Variants in COL4A2 observed in about 807,000 individuals in gnomAD.
COL4A2 encodes collagen alpha-2(IV) chain.
A neutral mutation model predicts 200.2 loss-of-function variants in COL4A2; 99 were observed. The observed-to-expected ratio is 0.49, with a 90% CI of 0.42 to 0.58. The LOEUF (loss-of-function observed/expected upper bound fraction) is 0.58. Among genes scored for constraint, COL4A2 ranks in the 20% least tolerant of loss-of-function variants. The probability of loss-of-function intolerance (pLI) is 0.00; values close to 1 mark genes in which losing one functional copy is unlikely to be tolerated. For missense variants in COL4A2, 1,950 were observed against 2,314.1 expected (o/e 0.84, Z 3.23); for synonymous variants, 897 against 900.6 (o/e 1.00, Z 0.07).
intron 21 of COL4A2, chr13:110,458,177 C>T (rs1328930259): frequency 1.5e-5 from 7 of 465,210 alleles, no homozygotes; most frequent in African/African-American, 1.2e-4. Context: ...GCAGGCACCG[C>T]AGGACCTGGA....
intron 31 of COL4A2, among the ~76,000 whole-genome samples, chr13:110,480,637 C>T (rs551318420): frequency 6.6e-6 from 1 of 152,372 alleles, no homozygotes; most frequent in South Asian, 2.1e-4. Context: ...CCAAGACAAA[C>T]TGCTCCTGCC....
At chr13:110,419,428 T>A (rs915430902) in intron 4 of COL4A2, among the ~76,000 whole-genome samples, 1 of 152,226 alleles carries the variant, frequency 6.6e-6, no homozygotes, top group Non-Finnish European at 1.5e-5. Flanking sequence ...TTAAGGTTAA[T>A]GAACAATGAA....
chr13:110,433,119 C>G (rs1467425347), intron 11 of COL4A2, among the ~76,000 whole-genome samples: 3 of 152,254 alleles, frequency 2.0e-5, no homozygotes, highest in Admixed American at 2.0e-4. Context: ...CGTTGCCATG[C>G]CTGCCCATTG....
At chr13:110,454,716 G>A (rs150453616) in intron 20 of COL4A2, among the ~76,000 whole-genome samples, 36 of 151,650 alleles carry the variant, frequency 2.4e-4, no homozygotes, top group Non-Finnish European at 2.1e-4. Context: ...TGCACTCCCC[G>A]CCGGATGAAC....
chr13:110,312,977 C>A (rs756393074), intron 3 of COL4A2, among the ~76,000 whole-genome samples: 3 of 152,146 alleles, frequency 2.0e-5, no homozygotes, highest in Non-Finnish European at 2.9e-5. Flanking sequence ...TGTGCTAAGA[C>A]CTGTGAGGGT....
chr13:110,480,663 TATTGTAA>T (rs1227285273), intron 31 of COL4A2, among the ~76,000 whole-genome samples: 2 of 152,250 alleles, frequency 1.3e-5, no homozygotes, highest in Admixed American at 6.5e-5. Flanking sequence ...AACATCGTCT[TATTGTAA>T]ATATCACCAT....
At chr13:110,390,030 T>C (rs1878928105) in intron 4 of COL4A2, among the ~76,000 whole-genome samples, 1 of 152,232 alleles carries the variant, frequency 6.6e-6, no homozygotes, top group African/African-American at 2.4e-5. Flanking sequence ...CCTATTTTAT[T>C]GGCATGGGAT....
chr13:110,395,673 A>C (rs576418136), intron 4 of COL4A2, among the ~76,000 whole-genome samples: 1 of 152,226 alleles, frequency 6.6e-6, no homozygotes, highest in African/African-American at 2.4e-5. Flanking sequence ...GGCAGGGCGC[A>C]GTGGCTCATG....
chr13:110,503,027 G>C lies in COL4A2; in HGVS notation c.3878-94G>C, dbSNP rs776252511. The C allele has an allele frequency of 3.4e-6, 4 of 1,170,598 alleles. No homozygotes were observed. The Admixed American group carries it at 6.8e-5, about 20-fold the overall frequency. The allele number at this position is 1,170,598 out of a possible 1,614,324, so 72.5% of individuals were successfully genotyped here. On this transcript the variant is annotated intron_variant, in intron 41 of 47. Transcript: ENST00000360467. ...CATTCCATGCCACAGACTTGCCAGA[G>C]ACTGTCGCCTGAATGGGTGACGGTG...
At chr13:110,454,691 GTCCCTGCCCC>G (rs1594225251) in intron 20 of COL4A2, among the ~76,000 whole-genome samples, 1 of 151,904 alleles carries the variant, frequency 6.6e-6, no homozygotes, top group Non-Finnish European at 1.5e-5. Context: ...CTCCCCTGAA[GTCCCTGCCCC>G]TCCCTGCACT....
intron 4 of COL4A2, among the ~76,000 whole-genome samples, chr13:110,411,439 G>C (rs1024237048): frequency 6.6e-6 from 1 of 152,190 alleles, no homozygotes; most frequent in Non-Finnish European, 1.5e-5. Context: ...AGCTCCAGGG[G>C]CCTCCTCTGC....
At chr13:110,501,037 G>A (rs1249796210) in intron 40 of COL4A2, among the ~76,000 whole-genome samples, 4 of 152,172 alleles carry the variant, frequency 2.6e-5, no homozygotes, top group African/African-American at 9.7e-5. Flanking sequence ...AGGCAGGAGC[G>A]TCACCTTGCT....
intron 32 of COL4A2, among the ~76,000 whole-genome samples, chr13:110,484,095 CAA>C (rs11289579): frequency 1.0e-3 from 151 of 148,210 alleles, no homozygotes; most frequent in East Asian, 5.5e-3. Context: ...CTATTTCAGG[CAA>C]AAAAAAAAAA....
In COL4A2 at chr13:110,434,424, C is replaced by T. The variant is rs775257372; in HGVS notation, c.708C>T (p.Tyr236=). 3.3e-5 allele frequency: 54 copies of T among 1,613,632 alleles called. No homozygotes were observed. Among genetic ancestry groups the T allele is most frequent in the African/African-American group, 8.0e-5 (6 of 74,866 alleles). Reference sequence around the variant, plus strand: ...AGGGCAACAGAGGACTTGGTTTCTACGGAGTTAAGGGTGAAAAGGTAAAGG... The same window carrying T: ...AGGGCAACAGAGGACTTGGTTTCTATGGAGTTAAGGGTGAAAAGGTAAAGG... ...GQQGNRGLGF[Y]GVKGEKGDVG... is the part of the protein sequence containing the mutation. The change falls in exon 12 of 48, where the codon TAC becomes TAT. Residue 236 remains tyrosine, a synonymous_variant. Coordinates refer to ENST00000360467, the MANE Select transcript of COL4A2 (RefSeq NM_001846.4).
At chr13:110,501,157 A>C (rs771116145) in intron 40 of COL4A2, among the ~76,000 whole-genome samples, 3 of 152,224 alleles carry the variant, frequency 2.0e-5, no homozygotes, top group Non-Finnish European at 4.4e-5. Context: ...GGAAACACAG[A>C]ATCTGTGAAT....
Position 110,474,770 on chromosome 13 carries a change from C to G in COL4A2, c.2425+1620C>G, listed in dbSNP as rs547596728. On this transcript the variant is annotated intron_variant, in intron 29 of 47. Transcript: ENST00000360467. The stretch of plus-strand genomic sequence containing the variant: ...CGTGCACACTCACACATCACACACG[C>G]ACGTACCCACACACGTGCCTGTGTA... Among the ~76,000 whole-genome samples, 50 of 148,004 alleles carry G rather than the reference C, an allele frequency of 3.4e-4. 3 individuals carry two copies. Among genetic ancestry groups the G allele is most frequent in the African/African-American group, 1.1e-3 (45 of 40,274 alleles).
At chr13:110,505,274 C>A (rs1883818565) in intron 45 of COL4A2, among the ~76,000 whole-genome samples, 1 of 151,926 alleles carries the variant, frequency 6.6e-6, no homozygotes, top group South Asian at 2.1e-4. Context: ...GGCCTCAACC[C>A]AGGAGGTGGA....
intron 21 of COL4A2, chr13:110,458,067 T>C (rs1424572723): frequency 6.5e-6 from 3 of 459,730 alleles, no homozygotes; most frequent in Non-Finnish European, 1.4e-5. Context: ...TCCCAGAACA[T>C]GGGGAGCACT....
intron 4 of COL4A2, among the ~76,000 whole-genome samples, chr13:110,392,624 A>G (rs1021101988): frequency 2.6e-5 from 4 of 152,180 alleles, no homozygotes; most frequent in African/African-American, 7.2e-5. Flanking sequence ...AAAAGACCAT[A>G]TTAGTACAAC....
Sources: gnomAD v4.1 joint callset for allele counts (sites outside exome capture counted in the v4.1 genomes callset) on GRCh38, gnomAD v4.1.1 for gene constraint, MANE v1.5 for transcripts, NCBI Gene and HGNC (gene_info 2026-07-23, HGNC 2026-07-21) for gene names.